The following AK5 variants were observed in gnomAD, a reference collection of about 807,000 sequenced individuals.
The protein encoded by AK5 is adenylate kinase isoenzyme 5.
In AK5, 27 loss-of-function variants were observed where a neutral mutation model predicts 69.5. The ratio of observed to expected loss-of-function variants is 0.39; its 90% CI spans 0.29 to 0.54. AK5 has a LOEUF of 0.54. Among genes scored for constraint, AK5 ranks in the 20% least tolerant of loss-of-function variants. The pLI, the probability that AK5 is intolerant of heterozygous loss-of-function variation, is 0.71. For synonymous variants in AK5, 260 were observed against 244.4 expected, an observed-to-expected ratio of 1.06 and a Z score of -0.60; for missense variants, 531 against 700.4, an observed-to-expected ratio of 0.76 and a Z score of 2.73.
chr1:77,367,571 AT>A (rs1287453129), intron 6 of AK5, among the ~76,000 whole-genome samples: 423 of 15,758 alleles, frequency 0.027, 73 homozygotes, highest in East Asian at 0.097. Flanking sequence ...ATATATATAT[AT>A]ATATATAATA....
intron 12 of AK5, among the ~76,000 whole-genome samples, chr1:77,531,955 G>T (rs1658633984): frequency 6.6e-6 from 1 of 150,746 alleles, no homozygotes; most frequent in African/African-American, 2.4e-5. Flanking sequence ...GCAGCTGCTG[G>T]CCCAGGTGCT....
chr1:77,479,514 T>C (rs1325202836), intron 8 of AK5, among the ~76,000 whole-genome samples: 1 of 152,104 alleles, frequency 6.6e-6, no homozygotes, highest in East Asian at 1.9e-4. Flanking sequence ...CCTGAAATTG[T>C]CTTTTGGTGT....
At chr1:77,380,742 GC>G (rs1333808833) in intron 6 of AK5, among the ~76,000 whole-genome samples, 1 of 152,194 alleles carries the variant, frequency 6.6e-6, no homozygotes, top group Non-Finnish European at 1.5e-5. Context: ...CAAGATGTGT[GC>G]CGCAGAGACA....
At chr1:77,451,200 TA>T (rs1160105711) in intron 8 of AK5, among the ~76,000 whole-genome samples, 5 of 150,144 alleles carry the variant, frequency 3.3e-5, no homozygotes, top group African/African-American at 1.2e-4. Flanking sequence ...CATAAAGACA[TA>T]AAAGCAAAAC....
rs138545967 is a variant in AK5, at chr1:77,431,760, A to G, written c.1059+14045A>G. Among the ~76,000 whole-genome samples the G allele has an allele frequency of 1.6e-3, 237 of 152,352 alleles. 1 individual carries two copies. Among genetic ancestry groups the G allele is most frequent in the Admixed American group, 7.4e-3 (114 of 15,308 alleles). On this transcript the variant is annotated intron_variant, in intron 8 of 13. Coordinates refer to ENST00000354567, the MANE Select transcript of AK5 (RefSeq NM_174858.3). ...TATTTATTCAGAAATGGGCATTGCA[A>G]TAGGAATATGGGTGCCATTGTAAAC...
chr1:77,475,368 CAAATATATATTATATATAT>C (rs1654809203), intron 8 of AK5, among the ~76,000 whole-genome samples: 4 of 112,134 alleles, frequency 3.6e-5, no homozygotes, highest in East Asian at 2.3e-4. Context: ...TATATATATA[CAAATATATATTATATATAT>C]GTATATATAT....
intron 1 of AK5, among the ~76,000 whole-genome samples, chr1:77,283,868 T>G (rs916348770): frequency 4.6e-5 from 7 of 152,156 alleles, no homozygotes; most frequent in African/African-American, 1.7e-4. Context: ...ATTAAAAACA[T>G]CTGTAGGAGG....
chr1:77,442,871 A>AT (rs891502937), intron 8 of AK5, among the ~76,000 whole-genome samples: 4 of 152,092 alleles, frequency 2.6e-5, no homozygotes, highest in African/African-American at 9.7e-5. Context: ...TCCCAGAAGC[A>AT]TTTTTTGTGT....
In AK5 at chr1:77,448,356, C is replaced by T. The variant is rs186628871; in HGVS notation, c.1059+30641C>T. Among the ~76,000 whole-genome samples, 293 of 152,288 alleles carry T rather than the reference C, an allele frequency of 1.9e-3. 2 individuals are homozygous for T. The highest frequency in any genetic ancestry group is 2.8e-3 in the Non-Finnish European group (189 of 68,024). On this transcript the variant is annotated intron_variant, in intron 8 of 13. Coordinates refer to ENST00000354567, the MANE Select transcript of AK5 (RefSeq NM_174858.3). ...TCAGACTCTGCCAAACTTGGGCAGA[C>T]GATGGGACAACCTGCCTGCAGATAG... is the stretch of plus-strand genomic sequence containing the variant.
chr1:77,504,571 G>C (rs1044638056), intron 10 of AK5, among the ~76,000 whole-genome samples: 4 of 151,948 alleles, frequency 2.6e-5, no homozygotes, highest in Non-Finnish European at 4.4e-5. Context: ...ATTTTTTAAA[G>C]TTCTTTTGTA....
At chr1:77,536,073 G>A (rs368038931) in intron 13 of AK5, 35 bp downstream of exon 13, 38 of 1,526,664 alleles carry the variant, frequency 2.5e-5, no homozygotes, top group South Asian at 1.0e-4. Flanking sequence ...GAAATGAGCC[G>A]CTTACCTTTT....
intron 6 of AK5, among the ~76,000 whole-genome samples, chr1:77,405,677 A>AC (rs1194988016): frequency 1.3e-5 from 2 of 152,120 alleles, no homozygotes; most frequent in Non-Finnish European, 2.9e-5. Flanking sequence ...GGGCAGTGTA[A>AC]CCAAGAAGTG....
intron 5 of AK5, among the ~76,000 whole-genome samples, chr1:77,299,748 G>A (rs993486821): frequency 1.2e-4 from 18 of 152,234 alleles, no homozygotes; most frequent in African/African-American, 4.1e-4. Context: ...AAGTGTGATA[G>A]GCAGGGAGGC....
At chr1:77,292,658 C>G (rs1002740770) in intron 2 of AK5, among the ~76,000 whole-genome samples, 1 of 152,190 alleles carries the variant, frequency 6.6e-6, no homozygotes, top group African/African-American at 2.4e-5. Flanking sequence ...TTTGGACTTG[C>G]CAGCCCTGTC....
intron 8 of AK5, among the ~76,000 whole-genome samples, chr1:77,482,538 C>T (rs1655315511): frequency 6.6e-6 from 1 of 151,974 alleles, no homozygotes; most frequent in African/African-American, 2.4e-5. Flanking sequence ...TTTGAAAGGC[C>T]GAGGTAGGCA....
intron 12 of AK5, among the ~76,000 whole-genome samples, chr1:77,523,654 C>T (rs1658115740): frequency 6.6e-6 from 1 of 152,022 alleles, no homozygotes; most frequent in Admixed American, 6.6e-5. Context: ...TAAACTGAAA[C>T]TCTACCTACT....
At chr1:77,513,521 A>G (rs1392703537) in intron 10 of AK5, among the ~76,000 whole-genome samples, 1 of 152,248 alleles carries the variant, frequency 6.6e-6, no homozygotes, top group Non-Finnish European at 1.5e-5. Context: ...TCCTGGAGTT[A>G]GTAAGATGCA....
At chr1:77,365,582 G>A (rs1646936367) in intron 6 of AK5, among the ~76,000 whole-genome samples, 1 of 152,214 alleles carries the variant, frequency 6.6e-6, no homozygotes, top group Non-Finnish European at 1.5e-5. Context: ...CACCTCAGAT[G>A]GTCAGGCATT....
intron 8 of AK5, among the ~76,000 whole-genome samples, chr1:77,438,294 C>CAAAAAA (rs56019139): frequency 1.5e-4 from 8 of 52,778 alleles, no homozygotes; most frequent in Non-Finnish European, 2.0e-4. Context: ...ATATTTGGTA[C>CAAAAAA]AAAAAAAAAA....
Sources: allele counts gnomAD v4.1 joint callset (sites outside exome capture counted in the v4.1 genomes callset), GRCh38; gene constraint gnomAD v4.1.1; transcripts MANE v1.5; gene names NCBI Gene and HGNC (gene_info 2026-07-23, HGNC 2026-07-21).